PLEKHM3: variants seen among roughly 807,000 people sequenced by gnomAD.
The protein encoded by PLEKHM3 is pleckstrin homology domain containing M3, also known as pleckstrin homology domain-containing family M member 3.
A neutral mutation model predicts 81.8 loss-of-function variants in PLEKHM3; 45 were observed. That is an observed-to-expected ratio of 0.55 (90% CI 0.43 to 0.71). The LOEUF is 0.71. Ranked by LOEUF, PLEKHM3 falls within the 30% of genes least tolerant of loss-of-function variation. The probability of loss-of-function intolerance (pLI) is 0.00; values close to 1 mark genes in which losing one functional copy is unlikely to be tolerated. For missense variants in PLEKHM3, 788 were observed against 924.3 expected (o/e 0.85, Z 1.91); for synonymous variants, 352 against 356.4 (o/e 0.99, Z 0.14).
intron 2 of PLEKHM3, among the ~76,000 whole-genome samples, chr2:207,984,076 T>C (rs994909487): frequency 6.6e-6 from 1 of 152,202 alleles, no homozygotes; most frequent in Non-Finnish European, 1.5e-5. Flanking sequence ...CAAACACACT[T>C]GAAAAGCATG....
intron 3 of PLEKHM3, among the ~76,000 whole-genome samples, chr2:207,972,599 A>AAT (rs1691165239): frequency 6.6e-6 from 1 of 151,874 alleles, no homozygotes; most frequent in Non-Finnish European, 1.5e-5. Flanking sequence ...AAAAAAAAAA[A>AAT]AAAAAAGAAG....
chr2:207,840,516 G>T (rs2092344361), intron 7 of PLEKHM3, among the ~76,000 whole-genome samples: 1 of 151,970 alleles, frequency 6.6e-6, no homozygotes, highest in African/African-American at 2.4e-5. Flanking sequence ...TTTATATAGG[G>T]CTTTTCACAT....
chr2:207,996,869 T>C (rs1304474176), intron 2 of PLEKHM3, among the ~76,000 whole-genome samples: 1 of 152,224 alleles, frequency 6.6e-6, no homozygotes, highest in Non-Finnish European at 1.5e-5. Context: ...ATAACAATTA[T>C]ATCATTAAAT....
Position 207,937,222 on chromosome 2 carries a change from T to C in PLEKHM3, c.1693-6103A>G, listed in dbSNP as rs138710198. Among the ~76,000 whole-genome samples, 9 of 152,306 alleles carry C rather than the reference T, an allele frequency of 5.9e-5. No individual in the cohort carries two copies. In the East Asian group the frequency reaches 1.5e-3, roughly 26 times the overall value. On this transcript the variant is annotated intron_variant, in intron 4 of 7. Transcript: ENST00000427836. ...ATTTAGGGAAAAACAGCCTCACTTA[T>C]CCCATTAAACTCTCAAGTTATCTAT...
intron 1 of PLEKHM3, among the ~76,000 whole-genome samples, chr2:208,008,655 T>G (rs1574488211): frequency 6.6e-6 from 1 of 152,344 alleles, no homozygotes; most frequent in Non-Finnish European, 1.5e-5. Flanking sequence ...CCATTAGTGT[T>G]TCCCAAAGTC....
At chr2:207,859,302 C>A (rs2092454656) in intron 7 of PLEKHM3, among the ~76,000 whole-genome samples, 1 of 151,640 alleles carries the variant, frequency 6.6e-6, no homozygotes, top group Non-Finnish European at 1.5e-5. Flanking sequence ...CTATACCCGG[C>A]TAATTTTGTA....
chr2:207,936,469 T>C (rs1325230993), intron 4 of PLEKHM3, among the ~76,000 whole-genome samples: 1 of 152,240 alleles, frequency 6.6e-6, no homozygotes, highest in Non-Finnish European at 1.5e-5. Flanking sequence ...ACATAGTTCC[T>C]ACAGCTTGGT....
intron 7 of PLEKHM3, among the ~76,000 whole-genome samples, chr2:207,860,149 CTCTGTGTG>C (rs1334140007): frequency 1.6e-4 from 10 of 63,836 alleles, no homozygotes; most frequent in African/African-American, 5.7e-4. Flanking sequence ...TGAACTCTGC[CTCTGTGTG>C]TGTGTGTGTG....
chr2:207,859,420 G>A lies in PLEKHM3; in HGVS notation c.2108+1685C>T. ...CCCAAAGTGCTGGGATTACAGGTGTGAGCCACCACGCCCGGCTACTTTTTT... is the reference window on the plus strand; with the variant it reads ...CCCAAAGTGCTGGGATTACAGGTGTAAGCCACCACGCCCGGCTACTTTTTT... On this transcript the variant is annotated intron_variant, in intron 7 of 7. Coordinates refer to ENST00000427836, the MANE Select transcript of PLEKHM3 (RefSeq NM_001080475.3). 1.3e-5 allele frequency among the ~76,000 whole-genome samples: 2 copies of A among 151,898 alleles called. 1 individual carries two copies. The highest frequency in any genetic ancestry group is 2.9e-5 in the Non-Finnish European group (2 of 67,984).
chr2:207,880,762 C>CAA lies in PLEKHM3; in HGVS notation c.1951-19502_1951-19501dup, dbSNP rs61384566. 1.4e-3 allele frequency among the ~76,000 whole-genome samples: 10 copies of CAA among 6,966 alleles called. 4 individuals are homozygous for CAA. Among genetic ancestry groups the CAA allele is most frequent in the Non-Finnish European group, 3.7e-3 (10 of 2,688 alleles). 4.6% of individuals were successfully genotyped at this position (6,966 alleles called of 152,430 possible). ...TGGGAGACACAGCGAGACTCTGTCT[C>CAA]AAAAAAAAAAAAAAAAAAAAAAAAA... On this transcript the variant is annotated intron_variant, in intron 6 of 7. Coordinates refer to ENST00000427836, the MANE Select transcript of PLEKHM3 (RefSeq NM_001080475.3).
At chr2:207,839,601 G>A (rs2092338774) in intron 7 of PLEKHM3, among the ~76,000 whole-genome samples, 1 of 152,108 alleles carries the variant, frequency 6.6e-6, no homozygotes, top group Non-Finnish European at 1.5e-5. Flanking sequence ...GACCAAATGT[G>A]ATGCAGCCAA....
chr2:207,948,897 T>C (rs1690236804), intron 3 of PLEKHM3, among the ~76,000 whole-genome samples: 1 of 152,114 alleles, frequency 6.6e-6, no homozygotes, highest in African/African-American at 2.4e-5. Context: ...CAGGCTGGTT[T>C]TGAACTCCTG....
At chr2:207,899,237 G>A (rs1417828738) in intron 6 of PLEKHM3, among the ~76,000 whole-genome samples, 1 of 152,200 alleles carries the variant, frequency 6.6e-6, no homozygotes, top group Non-Finnish European at 1.5e-5. Context: ...CATCTGAATA[G>A]ATAGTGCCTT....
rs748877612 is a variant in PLEKHM3, at chr2:208,001,466, A to C, written c.174T>G (p.Gly58=). 6.2e-7 allele frequency: 1 copy of C among 1,614,106 alleles called. No homozygotes were observed. The highest frequency in any genetic ancestry group is 8.5e-7 in the Non-Finnish European group (1 of 1,180,012). The part of the protein sequence containing the change: ...HEVLSNITDN[G]AMRNVTSLGK... Reference sequence around the variant, plus strand: ...CCAGGGAGGTGACATTTCTCATAGCACCATTGTCTGTTATGTTACTGAGTA... The same window carrying C: ...CCAGGGAGGTGACATTTCTCATAGCCCCATTGTCTGTTATGTTACTGAGTA... Residue 58 remains glycine, a synonymous_variant, in exon 2 of 8, where the codon GGT becomes GGG. Transcript: ENST00000427836.
chr2:207,876,052 T>C (rs570003306), intron 6 of PLEKHM3, among the ~76,000 whole-genome samples: 20 of 152,172 alleles, frequency 1.3e-4, no homozygotes, highest in Non-Finnish European at 2.4e-4. Flanking sequence ...ATTACAAATA[T>C]TTAACATTTG....
At chr2:207,834,930 G>A (rs972490424) in intron 7 of PLEKHM3, among the ~76,000 whole-genome samples, 1 of 151,026 alleles carries the variant, frequency 6.6e-6, no homozygotes, top group Non-Finnish European at 1.5e-5. Flanking sequence ...AAGCAGTTAG[G>A]TTTCAACAAC....
intron 2 of PLEKHM3, among the ~76,000 whole-genome samples, chr2:207,977,794 G>GT (rs1691371514): frequency 6.6e-6 from 1 of 152,126 alleles, no homozygotes; most frequent in Non-Finnish European, 1.5e-5. Context: ...TCTAAAAACT[G>GT]TAACTAGGAG....
chr2:207,955,268 A>G (rs1690464737), intron 3 of PLEKHM3, among the ~76,000 whole-genome samples: 1 of 152,170 alleles, frequency 6.6e-6, no homozygotes, highest in African/African-American at 2.4e-5. Flanking sequence ...TTACAAATTC[A>G]GCTTCTAGTA....
intron 6 of PLEKHM3, among the ~76,000 whole-genome samples, chr2:207,893,200 T>C (rs1278712723): frequency 6.6e-6 from 1 of 152,232 alleles, no homozygotes; most frequent in Non-Finnish European, 1.5e-5. Flanking sequence ...ATGCCACAAC[T>C]ATTTTGGCCC....
Sources: allele counts gnomAD v4.1 joint callset (sites outside exome capture counted in the v4.1 genomes callset), GRCh38; gene constraint gnomAD v4.1.1; transcripts MANE v1.5; gene names NCBI Gene and HGNC (gene_info 2026-07-23, HGNC 2026-07-21).